Variants in POGZ observed in about 807,000 individuals in gnomAD.
The protein encoded by POGZ is pogo transposable element derived with ZNF domain.
POGZ carries 17 observed loss-of-function variants against 134.6 expected under a neutral mutation model. The observed-to-expected ratio is 0.13, with a 90% CI of 0.09 to 0.19. The LOEUF is 0.19. POGZ is among the 10% of genes least tolerant of loss of function. The probability of loss-of-function intolerance (pLI) is 1.00; values close to 1 mark genes in which losing one functional copy is unlikely to be tolerated. For missense variants in POGZ, 1,306 were observed against 1,769.7 expected (o/e 0.74, Z 4.70); for synonymous variants, 693 against 657.1 (o/e 1.05, Z -0.84).
At chr1:151,455,531 C>A (rs532097482) in intron 1 of POGZ, among the ~76,000 whole-genome samples, 1 of 152,278 alleles carries the variant, frequency 6.6e-6, no homozygotes, top group Non-Finnish European at 1.5e-5. Context: ...CGCCAAAGAT[C>A]TTTTGTTTAT....
chr1:151,404,077 A>G lies in POGZ; in HGVS notation c.*725T>C, dbSNP rs1250129781. On this transcript the variant is annotated 3_prime_UTR_variant, in exon 19 of 19. Coordinates refer to ENST00000271715, the MANE Select transcript of POGZ (RefSeq NM_015100.4). ...GAGGGAAGGTGGTGAGGAAAAGACA[A>G]ATCTATTCATTCTGGATAATTAAAG... is the stretch of plus-strand genomic sequence containing the variant. The G allele has an allele frequency of 1.0e-6, 1 of 985,378 alleles. No individual in the cohort carries two copies. The highest frequency in any genetic ancestry group is 1.7e-5 in the African/African-American group (1 of 57,236). The allele number at this position is 985,378 out of a possible 1,614,324, so 61.0% of individuals were successfully genotyped here. A position where few individuals can be genotyped will look rare whatever the true frequency, so the allele number is the denominator to read the frequency against.
chr1:151,437,507 G>T (rs539386701), intron 3 of POGZ, among the ~76,000 whole-genome samples: 3 of 151,810 alleles, frequency 2.0e-5, no homozygotes, highest in African/African-American at 7.3e-5. Context: ...ATCCCAGAAC[G>T]TTGAGAAGCC....
At chr1:151,433,318 T>C (rs1311097669) in intron 3 of POGZ, among the ~76,000 whole-genome samples, 2 of 152,112 alleles carry the variant, frequency 1.3e-5, no homozygotes, top group Non-Finnish European at 2.9e-5. Flanking sequence ...TTAGAATTTT[T>C]CCAAAAAGGC....
At chr1:151,419,717 C>G (rs1368588832) in intron 10 of POGZ, among the ~76,000 whole-genome samples, 2 of 133,020 alleles carry the variant, frequency 1.5e-5, no homozygotes, top group Admixed American at 1.5e-4. Context: ...CCAGATCTGT[C>G]AAGGGTGCAA....
chr1:151,417,156 C>T (rs1167651123), intron 10 of POGZ, among the ~76,000 whole-genome samples: 5 of 151,632 alleles, frequency 3.3e-5, no homozygotes, highest in East Asian at 1.9e-4. Flanking sequence ...CTTCGCCTCC[C>T]GGGTTCAAGT....
chr1:151,409,261 A>G (rs1654226156), intron 12 of POGZ, among the ~76,000 whole-genome samples: 1 of 152,194 alleles, frequency 6.6e-6, no homozygotes, highest in Admixed American at 6.5e-5. Context: ...TTTCAACTCC[A>G]ACACTCAGTC....
intron 18 of POGZ, 54 bp downstream of exon 18, chr1:151,406,551 AAC>A: frequency 6.4e-7 from 1 of 1,557,494 alleles, no homozygotes. Context: ...TAATAATAAT[AAC>A]AGAGTAAACA....
Position 151,412,393 on chromosome 1 carries a change from T to C in POGZ, c.1682A>G (p.Lys561Arg), listed in dbSNP as rs775008105. The C allele has an allele frequency of 1.9e-6, 3 of 1,578,270 alleles. No homozygotes were observed. Among genetic ancestry groups the C allele is most frequent in the South Asian group, 1.1e-5 (1 of 89,770 alleles). ...NVHSPYESTT[K>R]CKICEWAFES... The stretch of plus-strand genomic sequence containing the variant: ...AAACGCCCATTCACAGATCTTGCAC[T>C]TGGCTGTAAGAAGAAAAGTAATCAA... Residue 561 changes from lysine (K) to arginine (R), a missense_variant, in exon 11 of 19, where the codon AAG becomes AGG. This residue lies in a region of POGZ where 541 missense variants were observed against 680.5 expected (regional missense o/e 0.80). Coordinates refer to ENST00000271715, the MANE Select transcript of POGZ (RefSeq NM_015100.4).
At chr1:151,435,889 A>AT (rs1013671970) in intron 3 of POGZ, among the ~76,000 whole-genome samples, 50 of 150,602 alleles carry the variant, frequency 3.3e-4, no homozygotes, top group South Asian at 1.5e-3. Context: ...CAATTCAGTG[A>AT]TTTTTTTTTA....
Position 151,441,032 on chromosome 1 carries a change from G to A in POGZ, c.179C>T (p.Ser60Phe), listed in dbSNP as rs1215783210. ...GGATGTAGAGAGGTGCCCAGCAACAGAAGCATGGGCAGCGATGGGCACTGG... is the reference window on the plus strand; with the variant it reads ...GGATGTAGAGAGGTGCCCAGCAACAAAAGCATGGGCAGCGATGGGCACTGG... ...SAPVPIAAHA[S>F]VAGHLSTSTT... Residue 60 changes from serine (S) to phenylalanine (F), a missense_variant, in exon 3 of 19, where the codon TCT becomes TTT. By Grantham distance (155) the Ser-to-Phe change is radical. Around this residue, in one of 10 missense-constraint regions of POGZ, gnomAD observed 541 missense variants for 680.5 expected, o/e 0.80. Transcript: ENST00000271715. 3 of 1,613,742 alleles carry A rather than the reference G, an allele frequency of 1.9e-6. No homozygotes were observed. The highest frequency in any genetic ancestry group is 2.5e-6 in the Non-Finnish European group (3 of 1,179,620).
At chr1:151,425,276 A>C in intron 7 of POGZ, 1 of 411,890 alleles carries the variant, frequency 2.4e-6, no homozygotes, top group Non-Finnish European at 4.6e-6. Flanking sequence ...ACCACAGCTC[A>C]CTGCAGCCTT....
At chr1:151,411,402 A>T (rs1281142842) in intron 12 of POGZ, among the ~76,000 whole-genome samples, 1 of 152,112 alleles carries the variant, frequency 6.6e-6, no homozygotes, top group East Asian at 1.9e-4. Context: ...TTTCCCCAAC[A>T]CAGTACTCTT....
chr1:151,457,014 G>A (rs1662854894), intron 1 of POGZ, among the ~76,000 whole-genome samples: 1 of 152,200 alleles, frequency 6.6e-6, no homozygotes, highest in Non-Finnish European at 1.5e-5. Context: ...CAGTGTATCA[G>A]TGAAAACAAT....
intron 10 of POGZ, among the ~76,000 whole-genome samples, chr1:151,422,034 C>T (rs997545087): frequency 3.3e-5 from 5 of 152,178 alleles, no homozygotes; most frequent in Non-Finnish European, 5.9e-5. Flanking sequence ...CAGGTGTGAG[C>T]CACCACACCC....
intron 1 of POGZ, among the ~76,000 whole-genome samples, chr1:151,443,180 G>C (rs530239622): frequency 6.6e-6 from 1 of 152,184 alleles, no homozygotes; most frequent in African/African-American, 2.4e-5. Flanking sequence ...CATTAATATT[G>C]ATCTTTTAAA....
At position 151,440,335 on chromosome 1, in the gene POGZ, T is replaced by C. The variant is rs116734830; in HGVS notation, c.283+593A>G. 6.2e-3 allele frequency among the ~76,000 whole-genome samples: 947 copies of C among 152,162 alleles called. 14 individuals carry two copies. The highest frequency in any genetic ancestry group is 0.022 in the African/African-American group (893 of 41,530). On this transcript the variant is annotated intron_variant, in intron 3 of 18. Transcript: ENST00000271715. ...TCTATGAAAGTGCCTACTTCAGTTA[T>C]GAATCTTGAGACATAACTGGTCAAC...
chr1:151,442,573 T>TGGC (rs565987516), intron 1 of POGZ: 293 of 160,008 alleles, frequency 1.8e-3, no homozygotes, highest in African/African-American at 6.7e-3. Context: ...TAGCCAGGCG[T>TGGC]GGCGGTGCAC....
chr1:151,441,395 C>G (rs992796457), intron 2 of POGZ, among the ~76,000 whole-genome samples: 1 of 152,174 alleles, frequency 6.6e-6, no homozygotes, highest in Non-Finnish European at 1.5e-5. Context: ...ATTATTACCA[C>G]TAGTGGTATT....
In POGZ at chr1:151,408,110, G is replaced by C. The variant is rs1654010297; in HGVS notation, c.2365C>G (p.His789Asp). 1 of 1,611,620 alleles carries C rather than the reference G, an allele frequency of 6.2e-7. No individual in the cohort carries two copies. Among genetic ancestry groups the C allele is most frequent in the Non-Finnish European group, 8.5e-7 (1 of 1,179,084 alleles). The stretch of plus-strand genomic sequence containing the variant: ...TAAAAACCAACTTACTTGATCATGT[G>C]GTTGGCATAAGCTCGAGAACAGCAG... ...STCCSRAYAN[H>D]MINNHVPRKS... The change falls in exon 15 of 19, where the codon CAC becomes GAC. Residue 789 changes from histidine to aspartate, a missense_variant. Physicochemically the swap from His to Asp is moderately conservative, Grantham distance 81. Transcript: ENST00000271715.
Sources: allele counts gnomAD v4.1 joint callset (sites outside exome capture counted in the v4.1 genomes callset), GRCh38; gene constraint gnomAD v4.1.1; regional missense constraint gnomAD v4.1.1; transcripts MANE v1.5; gene names NCBI Gene and HGNC (gene_info 2026-07-23, HGNC 2026-07-21).